The following UGT1A7 variants were observed in gnomAD, a reference collection of about 807,000 sequenced individuals.
UGT1A7 encodes UDP glucuronosyltransferase family 1 member A7, also known as UDP-glucuronosyltransferase 1A7.
A neutral mutation model predicts 45.6 loss-of-function variants in UGT1A7; 33 were observed. The observed-to-expected ratio is 0.72, with a 90% CI of 0.55 to 0.97. The LOEUF is 0.97. Among genes scored for constraint, UGT1A7 ranks in the 50% least tolerant of loss-of-function variants. The pLI, the probability that UGT1A7 is intolerant of heterozygous loss-of-function variation, is 0.00. For synonymous variants in UGT1A7, 274 were observed against 250.6 expected (o/e 1.09, Z -0.88); for missense variants, 684 against 666.2 (o/e 1.03, Z -0.29).
intron 1 of UGT1A7, among the ~76,000 whole-genome samples, chr2:233,731,168 T>A (rs1313291260): frequency 6.6e-6 from 1 of 152,138 alleles, no homozygotes; most frequent in Non-Finnish European, 1.5e-5. Flanking sequence ...AACGACATGA[T>A]TTTTTTATGC....
intron 1 of UGT1A7, chr2:233,718,632 C>A: frequency 6.9e-7 from 1 of 1,448,466 alleles, no homozygotes; most frequent in Non-Finnish European, 9.3e-7. Flanking sequence ...TGGTCTTTCC[C>A]AGGGTTGGGC....
At chr2:233,743,824 G>C (rs757559777) in intron 1 of UGT1A7, 1 of 1,367,262 alleles carries the variant, frequency 7.3e-7, no homozygotes, top group Non-Finnish European at 9.8e-7. Flanking sequence ...TTTTGTCGGG[G>C]TGCCACTTGA....
At chr2:233,701,242 A>G (rs1295860710) in intron 1 of UGT1A7, among the ~76,000 whole-genome samples, 2 of 152,144 alleles carry the variant, frequency 1.3e-5, no homozygotes, top group South Asian at 4.1e-4. Context: ...CCCAGTAATG[A>G]GATGGCTGGG....
chr2:233,739,050 C>G (rs958760691), intron 1 of UGT1A7: 3 of 152,246 alleles, frequency 2.0e-5, no homozygotes, highest in African/African-American at 7.2e-5. Flanking sequence ...AGAGCTCAGG[C>G]CATTGCTTCA....
At chr2:233,767,689 G>A (rs541366705) in intron 2 of UGT1A7, among the ~76,000 whole-genome samples, 160 bp from the exon 3 acceptor site, 3 of 152,308 alleles carry the variant, frequency 2.0e-5, no homozygotes, top group Non-Finnish European at 4.4e-5. Context: ...ACAAGATGCC[G>A]GAAGTTGCCA....
At chr2:233,718,883 T>C in intron 1 of UGT1A7, 2 of 1,613,952 alleles carry the variant, frequency 1.2e-6, no homozygotes, top group Non-Finnish European at 1.7e-6. Flanking sequence ...TCCTCCTCAG[T>C]GTCCAGCCCT....
chr2:233,760,276 A>C (rs1040602725), intron 1 of UGT1A7: 1 of 1,612,488 alleles, frequency 6.2e-7, no homozygotes, highest in Non-Finnish European at 8.5e-7. Flanking sequence ...CTCTGGCAGG[A>C]GCAAAGGCGC....
At chr2:233,733,970 C>T (rs1298818177) in intron 1 of UGT1A7, among the ~76,000 whole-genome samples, 52 of 151,482 alleles carry the variant, frequency 3.4e-4, no homozygotes, top group East Asian at 9.7e-4. Flanking sequence ...GTAGGGGGAG[C>T]GGGGAGGGAT....
At position 233,725,216 on chromosome 2, in the gene UGT1A7, AGAG is replaced by A. The variant is rs1223079485; in HGVS notation, c.856-41813_856-41811del. ...CAGAGGCAGAGGCAGAGGCAGAGGCAGAGGAGGCAGAGGCAGAGGAGGCAGAGG... is the reference window on the plus strand; with the variant it reads ...CAGAGGCAGAGGCAGAGGCAGAGGCAGAGGCAGAGGCAGAGGAGGCAGAGG... On this transcript the variant is annotated intron_variant, in intron 1 of 4. Transcript: ENST00000373426. 1.2e-3 allele frequency among the ~76,000 whole-genome samples: 54 copies of A among 45,286 alleles called. 21 individuals carry two copies. The highest frequency in any genetic ancestry group is 6.7e-3 in the African/African-American group (53 of 7,866). 29.7% of individuals were successfully genotyped at this position (45,286 alleles called of 152,430 possible). A position where few individuals can be genotyped will look rare whatever the true frequency, so the allele number is the denominator to read the frequency against.
chr2:233,757,265 C>T (rs1416331195), intron 1 of UGT1A7, among the ~76,000 whole-genome samples: 2 of 116,902 alleles, frequency 1.7e-5, no homozygotes, highest in Non-Finnish European at 3.3e-5. Flanking sequence ...AGGTGGCAGC[C>T]GATGCAATGA....
chr2:233,760,333 C>T (rs1559406714), intron 1 of UGT1A7: 2 of 1,614,052 alleles, frequency 1.2e-6, no homozygotes, highest in East Asian at 4.5e-5. Flanking sequence ...CCTGGGCCTG[C>T]TGCTGTGTGT....
rs1437510882 is a variant in UGT1A7 at position 233,713,518 on chromosome 2, T to C, written c.855+30726T>C. On this transcript the variant is annotated intron_variant, in intron 1 of 4. Transcript: ENST00000373426. ...CCTGCTGTGTTTTTCTTGAGGAACA[T>C]TCCATGTGATTTAGACTTTAAGGGC... is the stretch of plus-strand genomic sequence containing the variant. 3 of 1,613,936 alleles carry C rather than the reference T, an allele frequency of 1.9e-6. No individual in the cohort carries two copies. In the South Asian group the frequency reaches 3.3e-5, roughly 18 times the overall value.
chr2:233,768,921 A>G (rs1482131176), intron 4 of UGT1A7, among the ~76,000 whole-genome samples: 4 of 152,000 alleles, frequency 2.6e-5, no homozygotes, highest in Non-Finnish European at 2.9e-5. Context: ...GTTATTATTC[A>G]CTTTATAAAA....
intron 1 of UGT1A7, chr2:233,693,758 G>A: frequency 6.2e-7 from 1 of 1,614,234 alleles, no homozygotes; most frequent in Non-Finnish European, 8.5e-7. Flanking sequence ...GAAGGTCTCT[G>A]TTTGGCTGTT....
At chr2:233,712,932 A>G in intron 1 of UGT1A7, 1 of 1,612,230 alleles carries the variant, frequency 6.2e-7, no homozygotes, top group Non-Finnish European at 8.5e-7. Flanking sequence ...AAGACGAAGG[A>G]AACAATTCTA....
At chr2:233,748,104 T>A in intron 1 of UGT1A7, 2 of 1,612,628 alleles carry the variant, frequency 1.2e-6, no homozygotes, top group Non-Finnish European at 1.7e-6. Flanking sequence ...CTTCATCCAA[T>A]CAATGTTCCA....
intron 1 of UGT1A7, among the ~76,000 whole-genome samples, chr2:233,703,279 G>A (rs2075730151): frequency 6.6e-6 from 1 of 151,990 alleles, no homozygotes; most frequent in East Asian, 1.9e-4. Context: ...TTTCTGTAAG[G>A]TTGGTAGTAA....
At chr2:233,690,756 GACAT>G (rs574129066) in intron 1 of UGT1A7, 1,028 of 1,081,026 alleles carry the variant, frequency 9.5e-4, no homozygotes, top group South Asian at 5.0e-3. Flanking sequence ...GTCCAGTGCA[GACAT>G]ACACACACAC....
At chr2:233,761,009 A>G (rs1395770157) in intron 1 of UGT1A7, 4 of 1,613,884 alleles carry the variant, frequency 2.5e-6, no homozygotes, top group Non-Finnish European at 3.4e-6. Flanking sequence ...CTTCAGAGAG[A>G]GGTGACTGTC....
Sources: allele counts gnomAD v4.1 joint callset (sites outside exome capture counted in the v4.1 genomes callset), GRCh38; gene constraint gnomAD v4.1.1; transcripts MANE v1.5; gene names NCBI Gene and HGNC (gene_info 2026-07-23, HGNC 2026-07-21).